The following SNX3 variants were observed in gnomAD, a reference collection of about 807,000 sequenced individuals.
SNX3 encodes the protein sorting nexin 3, also known as sorting nexin-3.
Under a neutral mutation model 17.7 loss-of-function variants are expected in SNX3, and 5 were observed. The observed-to-expected ratio is 0.28, with a 90% CI of 0.15 to 0.59. SNX3 has a LOEUF of 0.59. SNX3 is among the 20% of genes least tolerant of loss of function. The pLI is 0.88. For synonymous variants in SNX3, 91 were observed against 76.5 expected (o/e 1.19, Z -0.99); for missense variants, 132 against 206.8 (o/e 0.64, Z 2.22).
chr6:108,260,701 G>C, intron 1 of SNX3, 59 bp downstream of exon 1: 1 of 1,600,038 alleles, frequency 6.2e-7, no homozygotes, highest in Non-Finnish European at 8.6e-7. Context: ...CCCGGGTCGA[G>C]TGGGGGTGAC....
At chr6:108,214,415 C>A in intron 3 of SNX3, 83 bp downstream of exon 3, 1 of 1,351,464 alleles carries the variant, frequency 7.4e-7, no homozygotes, top group Non-Finnish European at 1.0e-6. Flanking sequence ...AAAGAAAAGG[C>A]AACAGTGCAG....
chr6:108,248,022 TTG>T (rs1775743797), intron 1 of SNX3, among the ~76,000 whole-genome samples: 1 of 152,186 alleles, frequency 6.6e-6, no homozygotes. Context: ...AGAAAAATGT[TTG>T]TGTCAGAGAG....
At chr6:108,221,595 G>C (rs1582473181) in intron 2 of SNX3, among the ~76,000 whole-genome samples, 1 of 129,796 alleles carries the variant, frequency 7.7e-6, no homozygotes, top group Non-Finnish European at 1.6e-5. Flanking sequence ...GCCCATGCTG[G>C]AGTGCAGGGG....
intron 1 of SNX3, among the ~76,000 whole-genome samples, chr6:108,234,268 G>T (rs1775257609): frequency 7.0e-6 from 1 of 143,408 alleles, no homozygotes; most frequent in South Asian, 2.1e-4. Flanking sequence ...ATATACATGT[G>T]ACAGCTGGGT....
chr6:108,247,712 A>G lies in SNX3; in HGVS notation c.162+13048T>C, dbSNP rs1392897924. ...TTTGTTTTAACTGGAAATAAGAGTA[A>G]TTACAGTTTGTAAGAAAATGCAGTA... On this transcript the variant is annotated intron_variant, in intron 1 of 3. Coordinates refer to ENST00000230085, the MANE Select transcript of SNX3 (RefSeq NM_003795.6). Among the ~76,000 whole-genome samples, 3 of 152,128 alleles carry G rather than the reference A, an allele frequency of 2.0e-5. No homozygotes were observed. The East Asian group carries it at 5.8e-4, about 29-fold the overall frequency.
intron 2 of SNX3, among the ~76,000 whole-genome samples, chr6:108,215,539 C>T (rs966569424): frequency 6.6e-6 from 1 of 152,106 alleles, no homozygotes; most frequent in Non-Finnish European, 1.5e-5. Flanking sequence ...AAAGACCTGT[C>T]ATTTCTCCCT....
chr6:108,260,939 C>A lies in SNX3; in HGVS notation c.-18G>T. 6.5e-7 allele frequency: 1 copy of A among 1,547,856 alleles called. No homozygotes were observed. Among genetic ancestry groups the A allele is most frequent in the Non-Finnish European group, 8.7e-7 (1 of 1,148,642 alleles). ...TCCGCCATTTCGCTGTAGCTGCTGC[C>A]GCCGCCGCGGGCTCCCTCCGCCCCC... On this transcript the variant is annotated 5_prime_UTR_variant, in exon 1 of 4. Coordinates refer to ENST00000230085, the MANE Select transcript of SNX3 (RefSeq NM_003795.6).
At chr6:108,220,167 T>C (rs1306769168) in intron 2 of SNX3, among the ~76,000 whole-genome samples, 1 of 152,140 alleles carries the variant, frequency 6.6e-6, no homozygotes, top group Non-Finnish European at 1.5e-5. Context: ...AATTTATTAT[T>C]GAAGAAAAAT....
chr6:108,254,835 C>A (rs1031024991), intron 1 of SNX3, among the ~76,000 whole-genome samples: 1 of 152,132 alleles, frequency 6.6e-6, no homozygotes, highest in African/African-American at 2.4e-5. Flanking sequence ...AGATGAGGCT[C>A]TTAAAGGAAG....
At chr6:108,217,227 A>T (rs938421515) in intron 2 of SNX3, among the ~76,000 whole-genome samples, 5 of 151,008 alleles carry the variant, frequency 3.3e-5, no homozygotes, top group Non-Finnish European at 7.4e-5. Flanking sequence ...TATATATATA[A>T]TTAAATATAT....
intron 1 of SNX3, among the ~76,000 whole-genome samples, chr6:108,225,850 A>T (rs1774958196): frequency 6.6e-6 from 1 of 151,786 alleles, no homozygotes; most frequent in African/African-American, 2.4e-5. Flanking sequence ...TGGGAAACAT[A>T]AGAAGATTCC....
At chr6:108,236,045 T>A (rs913359971) in intron 1 of SNX3, among the ~76,000 whole-genome samples, 5 of 152,214 alleles carry the variant, frequency 3.3e-5, no homozygotes, top group Admixed American at 2.0e-4. Flanking sequence ...GCAAGGAAAG[T>A]ATTCCTTCAT....
chr6:108,238,341 G>C (rs890027434), intron 1 of SNX3, among the ~76,000 whole-genome samples: 1 of 152,154 alleles, frequency 6.6e-6, no homozygotes, highest in South Asian at 2.1e-4. Context: ...TTCTGTAAGA[G>C]AGTACATAAT....
In SNX3 at chr6:108,244,830, G is replaced by A. The variant is rs148336201; in HGVS notation, c.162+15930C>T. 5.6e-3 allele frequency among the ~76,000 whole-genome samples: 855 copies of A among 151,764 alleles called. 10 individuals are homozygous for A. The highest frequency in any genetic ancestry group is 0.02 in the African/African-American group (821 of 41,372). On this transcript the variant is annotated intron_variant, in intron 1 of 3. Transcript: ENST00000230085. The stretch of plus-strand genomic sequence containing the variant: ...AATTTTTTGTGTTTTCAGTAGAGAC[G>A]GGGTTTCGCCATGTTGCCAGTCTGG...
At chr6:108,234,884 G>C (rs1373431904) in intron 1 of SNX3, among the ~76,000 whole-genome samples, 1 of 152,142 alleles carries the variant, frequency 6.6e-6, no homozygotes, top group Non-Finnish European at 1.5e-5. Flanking sequence ...AAATGCAATG[G>C]ATGAAAACTA....
In SNX3 at chr6:108,211,360, T is replaced by C. The variant is rs919764642; in HGVS notation, c.*789A>G. The C allele has an allele frequency of 6.6e-6, 1 of 152,194 alleles. No individual in the cohort carries two copies. The highest frequency in any genetic ancestry group is 1.5e-5 in the Non-Finnish European group (1 of 68,030). 9.4% of individuals were successfully genotyped at this position (152,194 alleles called of 1,614,324 possible). On this transcript the variant is annotated 3_prime_UTR_variant, in exon 4 of 4. Coordinates refer to ENST00000230085, the MANE Select transcript of SNX3 (RefSeq NM_003795.6). ...TTTTGTTGTTGTTAAAAATACCCCA[T>C]TCAATGGATGGAAGTATATTTGATA...
chr6:108,221,155 G>C (rs1166960084), intron 2 of SNX3, among the ~76,000 whole-genome samples: 1 of 152,092 alleles, frequency 6.6e-6, no homozygotes, highest in Admixed American at 6.5e-5. Flanking sequence ...TAAGTTAGAA[G>C]ATACTGCTCT....
chr6:108,230,435 T>C (rs992292218), intron 1 of SNX3, among the ~76,000 whole-genome samples: 12 of 152,182 alleles, frequency 7.9e-5, no homozygotes, highest in Non-Finnish European at 5.9e-5. Context: ...AAATATGTTA[T>C]TTGTGGGAAA....
intron 1 of SNX3, among the ~76,000 whole-genome samples, chr6:108,243,792 G>A (rs1775599975): frequency 6.6e-6 from 1 of 152,154 alleles, no homozygotes; most frequent in Non-Finnish European, 1.5e-5. Flanking sequence ...AACCAGCCAG[G>A]CATGGTGGTA....
Sources: allele counts gnomAD v4.1 joint callset (sites outside exome capture counted in the v4.1 genomes callset), GRCh38; gene constraint gnomAD v4.1.1; transcripts MANE v1.5; gene names NCBI Gene and HGNC (gene_info 2026-07-23, HGNC 2026-07-21).